UNC13B: variants seen among roughly 807,000 people sequenced by gnomAD.
UNC13B encodes unc-13 homolog B, also known as protein unc-13 homolog B.
Under a neutral mutation model 211.0 loss-of-function variants are expected in UNC13B, and 144 were observed. The ratio of observed to expected loss-of-function variants is 0.68; its 90% CI spans 0.60 to 0.78. UNC13B has a LOEUF of 0.78. Ranked by LOEUF, UNC13B falls within the 30% of genes least tolerant of loss-of-function variation. UNC13B has a pLI of 0.00. For missense variants in UNC13B, 1,777 were observed against 2,002.0 expected (o/e 0.89, Z 2.14); for synonymous variants, 709 against 725.8 (o/e 0.98, Z 0.37).
At chr9:35,311,084 C>T (rs1830160253) in intron 10 of UNC13B, among the ~76,000 whole-genome samples, 1 of 152,308 alleles carries the variant, frequency 6.6e-6, no homozygotes, top group South Asian at 2.1e-4. Flanking sequence ...AAGCAATTCT[C>T]CCACCTCAGC....
intron 1 of UNC13B, among the ~76,000 whole-genome samples, chr9:35,199,938 T>C (rs559740970): frequency 5.2e-4 from 79 of 152,336 alleles, no homozygotes; most frequent in African/African-American, 1.5e-3. Context: ...TGAATGGTAT[T>C]GCCTAGGTTT....
chr9:35,392,894 G>A (rs1835630036), intron 26 of UNC13B, among the ~76,000 whole-genome samples: 2 of 151,864 alleles, frequency 1.3e-5, no homozygotes, highest in South Asian at 4.2e-4. Context: ...ACATTATTAA[G>A]GTATCATTTA....
At chr9:35,169,734 C>T (rs1240107166) in intron 1 of UNC13B, among the ~76,000 whole-genome samples, 1 of 152,200 alleles carries the variant, frequency 6.6e-6, no homozygotes, top group East Asian at 1.9e-4. Context: ...ATTTGCTCTG[C>T]TATGCTATTG....
At position 35,380,615 on chromosome 9, in the gene UNC13B, G is replaced by A. The variant is rs746321396; in HGVS notation, c.10351G>A (p.Glu3451Lys). The change falls in exon 18 of 40, where the codon GAG (glutamate) becomes AAG (lysine). Residue 3451 changes from glutamate (E) to lysine (K), a missense_variant. By Grantham distance (56) the Glu-to-Lys change is moderately conservative. Coordinates refer to ENST00000635942, the MANE Select transcript of UNC13B (RefSeq NM_001371189.2). ...TIIEVRTLSG[E>K]MDVWYNLEKR... ...CATTGAGGTTCGGACCCTAAGTGGC[G>A]AGATGGACGTCTGGTACAACTTGGG... 6.2e-6 allele frequency: 10 copies of A among 1,614,098 alleles called. No homozygotes were observed. The highest frequency in any genetic ancestry group is 2.2e-5 in the East Asian group (1 of 44,898).
rs909710483 is a variant in UNC13B at position 35,376,130 on chromosome 9, T to A, written c.9718T>A (p.Cys3240Ser). 2 of 1,614,112 alleles carry A rather than the reference T, an allele frequency of 1.2e-6. No individual in the cohort carries two copies. Among genetic ancestry groups the A allele is most frequent in the Non-Finnish European group, 1.7e-6 (2 of 1,180,046 alleles). The part of the protein sequence containing the change: ...EVWTATTPTY[C>S]YECEGLLWGI... ...CTGGACGGCCACTACCCCAACCTACTGCTATGAGTGTGAAGGCCTGCTCTG... is the reference window on the plus strand; with the variant it reads ...CTGGACGGCCACTACCCCAACCTACAGCTATGAGTGTGAAGGCCTGCTCTG... Residue 3240 changes from cysteine to serine, a missense_variant, in exon 15 of 40, where the codon TGC becomes AGC. By Grantham distance (112) the Cys-to-Ser change is moderately radical. Transcript: ENST00000635942.
chr9:35,300,995 G>A lies in UNC13B; in HGVS notation c.1591G>A (p.Gly531Arg), dbSNP rs1344763896. ...GGCCATCTCTTTCCCTGAGTTGACT[G>A]GAGTACAATGTGCTGTTGGTTCTTT... is the stretch of plus-strand genomic sequence containing the variant. Reference protein sequence around the residue: ...DTAISFPELTGVQCAVGSLFS... With the variant: ...DTAISFPELTRVQCAVGSLFS... The change falls in exon 9 of 40, where the codon GGA becomes AGA. Residue 531 changes from glycine to arginine, a missense_variant. By Grantham distance (125) the Gly-to-Arg change is moderately radical (BLOSUM62 -2). Coordinates refer to ENST00000635942, the MANE Select transcript of UNC13B (RefSeq NM_001371189.2). The A allele has an allele frequency of 1.0e-5, 4 of 398,904 alleles. No homozygotes were observed. Among genetic ancestry groups the A allele is most frequent in the Non-Finnish European group, 1.8e-5 (4 of 226,032 alleles). 24.7% of individuals were successfully genotyped at this position (398,904 alleles called of 1,614,324 possible). A position where few individuals can be genotyped will look rare whatever the true frequency, so the allele number is the denominator to read the frequency against.
At chr9:35,274,889 T>C (rs1167753665) in intron 7 of UNC13B, among the ~76,000 whole-genome samples, 4 of 151,804 alleles carry the variant, frequency 2.6e-5, no homozygotes, top group Admixed American at 1.3e-4. Context: ...TTCCCAATCA[T>C]TTTTTGTCAT....
At chr9:35,260,021 CAG>C (rs1827170771) in intron 7 of UNC13B, among the ~76,000 whole-genome samples, 1 of 71,320 alleles carries the variant, frequency 1.4e-5, no homozygotes, top group Non-Finnish European at 2.5e-5. Context: ...GGGCAACAAA[CAG>C]ATACCTCATT....
chr9:35,259,855 A>G (rs898515901), intron 7 of UNC13B, among the ~76,000 whole-genome samples: 2 of 150,038 alleles, frequency 1.3e-5, no homozygotes, highest in African/African-American at 2.5e-5. Context: ...CTCATGCCAA[A>G]CTCCATCAAC....
intron 7 of UNC13B, among the ~76,000 whole-genome samples, chr9:35,270,331 GTATA>G (rs1280255870): frequency 3.7e-5 from 4 of 109,110 alleles, no homozygotes; most frequent in Admixed American, 2.1e-4. Flanking sequence ...CTCTCTCTAT[GTATA>G]TATATGTGTG....
intron 1 of UNC13B, among the ~76,000 whole-genome samples, chr9:35,203,983 A>T (rs142901966): frequency 6.6e-6 from 1 of 152,344 alleles, no homozygotes; most frequent in African/African-American, 2.4e-5. Context: ...CCAGAGGCCT[A>T]GGAAGGAAGA....
intron 2 of UNC13B, among the ~76,000 whole-genome samples, chr9:35,229,690 CT>C (rs1554689895): frequency 5.2e-3 from 1 of 194 alleles, no homozygotes; most frequent in East Asian, 0.25. Context: ...GCCTACTGCA[CT>C]ACTACTACTA....
intron 7 of UNC13B, among the ~76,000 whole-genome samples, chr9:35,278,608 A>G (rs1408133122): frequency 1.2e-5 from 1 of 86,080 alleles, no homozygotes; most frequent in Non-Finnish European, 2.8e-5. Flanking sequence ...CCTTTTTGCC[A>G]CTTTTTTTTT....
chr9:35,278,784 G>A (rs1194918103), intron 7 of UNC13B, among the ~76,000 whole-genome samples: 1 of 152,088 alleles, frequency 6.6e-6, no homozygotes, highest in African/African-American at 2.4e-5. Flanking sequence ...ATGTAAAAAT[G>A]TATGCTATGA....
chr9:35,202,595 A>G (rs901146802), intron 1 of UNC13B, among the ~76,000 whole-genome samples: 1 of 152,066 alleles, frequency 6.6e-6, no homozygotes, highest in Admixed American at 6.6e-5. Context: ...TCCCTTTACC[A>G]TTATGTAATG....
intron 1 of UNC13B, among the ~76,000 whole-genome samples, chr9:35,183,617 G>GGGT (rs1822124317): frequency 2.2e-5 from 3 of 139,182 alleles, no homozygotes; most frequent in African/African-American, 2.7e-5. Flanking sequence ...CTCCCAGACG[G>GGGT]GGCGGCCGGG....
At chr9:35,206,389 C>T (rs940730777) in intron 1 of UNC13B, among the ~76,000 whole-genome samples, 7 of 152,080 alleles carry the variant, frequency 4.6e-5, no homozygotes, top group Non-Finnish European at 8.8e-5. Flanking sequence ...CTCCCTTTCC[C>T]TCTATCCCCT....
At chr9:35,385,070 C>A (rs1363865812) in intron 22 of UNC13B, 1 of 985,298 alleles carries the variant, frequency 1.0e-6, no homozygotes, top group Non-Finnish European at 1.2e-6. Flanking sequence ...ATATAAGTAG[C>A]CATTTGAAGG....
At chr9:35,316,266 C>A (rs1488714487) in intron 11 of UNC13B, among the ~76,000 whole-genome samples, 1 of 152,082 alleles carries the variant, frequency 6.6e-6, no homozygotes. Context: ...TTTCCCTTTT[C>A]TCTCATTAAT....
Sources: gnomAD v4.1 joint callset for allele counts (sites outside exome capture counted in the v4.1 genomes callset) on GRCh38, gnomAD v4.1.1 for gene constraint, MANE v1.5 for transcripts, NCBI Gene and HGNC (gene_info 2026-07-23, HGNC 2026-07-21) for gene names.